Variants in LRGUK observed in about 807,000 individuals in gnomAD.
The protein encoded by LRGUK is leucine-rich repeat and guanylate kinase domain-containing protein.
Under a neutral mutation model 76.0 loss-of-function variants are expected in LRGUK, and 65 were observed. That is an observed-to-expected ratio of 0.85 (90% CI 0.70 to 1.05). The LOEUF (loss-of-function observed/expected upper bound fraction) is 1.05, where lower values mean the gene tolerates loss of function less well. Ranked by LOEUF, LRGUK falls within the 50% of genes least tolerant of loss-of-function variation. The probability of loss-of-function intolerance (pLI) is 0.00; values close to 1 mark genes in which losing one functional copy is unlikely to be tolerated. For missense variants in LRGUK, 758 were observed against 732.8 expected (o/e 1.03, Z -0.40); for synonymous variants, 268 against 265.6 (o/e 1.01, Z -0.09).
At chr7:134,157,533 GT>G (rs1431211693) in intron 5 of LRGUK, among the ~76,000 whole-genome samples, 4 of 152,164 alleles carry the variant, frequency 2.6e-5, no homozygotes, top group Non-Finnish European at 5.9e-5. Flanking sequence ...AAAGCTATGC[GT>G]TTTTTTGAGA....
chr7:134,274,814 C>A, the LRGUK span, among the ~76,000 whole-genome samples: 1 of 152,082 alleles, frequency 6.6e-6, no homozygotes, highest in Non-Finnish European at 1.5e-5. Context: ...TATTTGCCTT[C>A]TATACCTATC....
rs1316323334 is a variant in LRGUK, at chr7:134,181,866, T to C, written c.1215-1868T>C. On this transcript the variant is annotated intron_variant, in intron 10 of 15. Coordinates refer to ENST00000645682, the Ensembl canonical transcript of LRGUK. Reference sequence around the variant, plus strand: ...GATTTCACCAGTTTTGCATGTGCTCTTTTGTCTTTAGTTCTATTTACCTCT... The same window carrying C: ...GATTTCACCAGTTTTGCATGTGCTCCTTTGTCTTTAGTTCTATTTACCTCT... Among the ~76,000 whole-genome samples the C allele has an allele frequency of 7.2e-5, 11 of 152,308 alleles. No individual in the cohort carries two copies. In the South Asian group the frequency reaches 1.9e-3, roughly 26 times the overall value.
intron 6 of LRGUK, among the ~76,000 whole-genome samples, chr7:134,161,932 T>C (rs929190656): frequency 6.6e-6 from 1 of 152,130 alleles, no homozygotes; most frequent in Non-Finnish European, 1.5e-5. Flanking sequence ...GACCTCGTGA[T>C]CCGCCTGCCG....
chr7:134,272,148 G>C, the LRGUK span, among the ~76,000 whole-genome samples: 1 of 151,938 alleles, frequency 6.6e-6, no homozygotes, highest in South Asian at 2.1e-4. Flanking sequence ...ATAGATTTTA[G>C]GTAGATAAAC....
intron 13 of LRGUK, 30 bp downstream of exon 13, chr7:134,197,135 G>A (rs1253153115): frequency 5.9e-6 from 8 of 1,346,504 alleles, no homozygotes; most frequent in South Asian, 2.4e-5. Flanking sequence ...CAATTAATGT[G>A]TGTGTAGTTT....
At chr7:134,274,745 T>G in the LRGUK span, among the ~76,000 whole-genome samples, 2 of 152,144 alleles carry the variant, frequency 1.3e-5, no homozygotes, top group Non-Finnish European at 2.9e-5. Flanking sequence ...ATTGTTGTAT[T>G]GAATTGTTTT....
chr7:134,225,508 G>A (rs1801720850), intron 16 of LRGUK, among the ~76,000 whole-genome samples: 1 of 152,190 alleles, frequency 6.6e-6, no homozygotes, highest in Non-Finnish European at 1.5e-5. Flanking sequence ...TGAGGTTCTG[G>A]TGCCTTTGCC....
Position 134,143,042 on chromosome 7 carries a change from G to C in LRGUK, c.488-20G>C, listed in dbSNP as rs1328595060. 1 of 1,295,036 alleles carries C rather than the reference G, an allele frequency of 7.7e-7. No individual in the cohort carries two copies. Among genetic ancestry groups the C allele is most frequent in the Admixed American group, 1.7e-5 (1 of 59,048 alleles). 80.2% of individuals were successfully genotyped at this position (1,295,036 alleles called of 1,614,324 possible). ...TTATTTTATTGGCTTACCTTATTCT[G>C]TATCTGTTTCCCTCCGTAGATTTAT... On this transcript the variant is annotated intron_variant, in intron 3 of 15. Coordinates refer to ENST00000645682, the Ensembl canonical transcript of LRGUK.
chr7:134,245,954 A>G (rs1802289638), intron 16 of LRGUK, among the ~76,000 whole-genome samples: 1 of 152,186 alleles, frequency 6.6e-6, no homozygotes, highest in African/African-American at 2.4e-5. Context: ...TTCTCTCATT[A>G]CATCCTCCCC....
At chr7:134,256,042 C>T (rs1802570610) in intron 18 of LRGUK, among the ~76,000 whole-genome samples, 1 of 152,134 alleles carries the variant, frequency 6.6e-6, no homozygotes, top group Non-Finnish European at 1.5e-5. Flanking sequence ...ACACACATCA[C>T]TTGGGTTATG....
At chr7:134,258,559 TGTG>T (rs1802643261) in intron 19 of LRGUK, among the ~76,000 whole-genome samples, 154 bp downstream of exon 19, 2 of 151,560 alleles carry the variant, frequency 1.3e-5, no homozygotes, top group Admixed American at 6.6e-5. Context: ...ATTGGCCAGG[TGTG>T]GTGGTGGGCA....
chr7:134,140,296 G>T (rs1208637126), intron 3 of LRGUK, among the ~76,000 whole-genome samples: 1 of 152,050 alleles, frequency 6.6e-6, no homozygotes, highest in East Asian at 1.9e-4. Flanking sequence ...AAATCTGTTA[G>T]CTCTTTTACC....
chr7:134,133,489 C>T (rs370274997), intron 1 of LRGUK, among the ~76,000 whole-genome samples: 5 of 152,144 alleles, frequency 3.3e-5, no homozygotes, highest in African/African-American at 4.8e-5. Context: ...AATTTGCTTG[C>T]GTACTTGTCT....
intron 7 of LRGUK, among the ~76,000 whole-genome samples, chr7:134,165,747 C>T (rs1442470874): frequency 6.6e-6 from 1 of 152,134 alleles, no homozygotes; most frequent in African/African-American, 2.4e-5. Context: ...ATTTTAAGGT[C>T]TGGGCAGCTG....
At position 134,203,537 on chromosome 7, in the gene LRGUK, G is replaced by A. The variant is rs557686407; in HGVS notation, c.1843+1961G>A. Among the ~76,000 whole-genome samples the A allele has an allele frequency of 3.9e-5, 6 of 152,310 alleles. No individual in the cohort carries two copies. The East Asian group carries it at 7.7e-4, about 20-fold the overall frequency. Reference sequence around the variant, plus strand: ...CCTGGTATTTTGGAATGAGGTCAACGTGAAACTGGTAAAAATCAACAGATA... The same window carrying A: ...CCTGGTATTTTGGAATGAGGTCAACATGAAACTGGTAAAAATCAACAGATA... On this transcript the variant is annotated intron_variant, in intron 15 of 15. Coordinates refer to ENST00000645682, the Ensembl canonical transcript of LRGUK.
At chr7:134,132,950 T>C (rs2116801722) in intron 1 of LRGUK, among the ~76,000 whole-genome samples, 1 of 152,268 alleles carries the variant, frequency 6.6e-6, no homozygotes, top group Non-Finnish European at 1.5e-5. Flanking sequence ...TTGAGAGTTA[T>C]GGAGAGATGG....
chr7:134,201,072 G>A (rs1053111537), intron 14 of LRGUK, among the ~76,000 whole-genome samples: 1 of 152,110 alleles, frequency 6.6e-6, no homozygotes, highest in African/African-American at 2.4e-5. Context: ...CCAGCACATC[G>A]AATCCTCCTT....
intron 15 of LRGUK, among the ~76,000 whole-genome samples, chr7:134,204,946 G>A (rs957907518): frequency 6.6e-6 from 1 of 152,220 alleles, no homozygotes; most frequent in South Asian, 2.1e-4. Flanking sequence ...CTGACTTCAA[G>A]AATGGAGCCG....
chr7:134,176,217 G>A (rs1458262409), intron 8 of LRGUK, among the ~76,000 whole-genome samples: 1 of 152,058 alleles, frequency 6.6e-6, no homozygotes. Flanking sequence ...CATACCCTGG[G>A]GCCTGTCAGG....
Sources: allele counts gnomAD v4.1 joint callset (sites outside exome capture counted in the v4.1 genomes callset), GRCh38; gene constraint gnomAD v4.1.1; transcripts MANE v1.5; gene names NCBI Gene and HGNC (gene_info 2026-07-23, HGNC 2026-07-21).